Variants in OMA1 observed in about 807,000 individuals in gnomAD.
The protein encoded by OMA1 is metalloendopeptidase OMA1, mitochondrial.
A neutral mutation model predicts 30.9 loss-of-function variants in OMA1; 38 were observed. That is an observed-to-expected ratio of 1.23 (90% CI 0.95 to 1.61). The LOEUF (loss-of-function observed/expected upper bound fraction) is 1.61, where lower values mean the gene tolerates loss of function less well. Among genes scored for constraint, OMA1 ranks in the 40% most tolerant of loss-of-function variants. The pLI, the probability that OMA1 is intolerant of heterozygous loss-of-function variation, is 0.00. For missense variants in OMA1, 461 were observed against 349.2 expected (o/e 1.32, Z -2.55); for synonymous variants, 173 against 121.9 (o/e 1.42, Z -2.76).
intron 1 of OMA1, among the ~76,000 whole-genome samples, chr1:58,540,667 T>A (rs55721304): frequency 0.12 from 17,346 of 148,420 alleles, 1,191 homozygotes; most frequent in African/African-American, 0.19. Context: ...TTTGAAGACG[T>A]ATCAATAGAA....
intron 6 of OMA1, among the ~76,000 whole-genome samples, chr1:58,530,242 T>TA: frequency 6.6e-6 from 1 of 152,182 alleles, no homozygotes; most frequent in Non-Finnish European, 1.5e-5. Context: ...CCACAAGAAG[T>TA]CCTGTATACC....
At chr1:58,509,276 ACACT>A (rs1646036167) in intron 7 of OMA1, among the ~76,000 whole-genome samples, 1 of 152,148 alleles carries the variant, frequency 6.6e-6, no homozygotes, top group African/African-American at 2.4e-5. Context: ...CATCATAAAG[ACACT>A]CAAAGAGGTC....
intron 8 of OMA1, among the ~76,000 whole-genome samples, chr1:58,495,029 A>G (rs1645772519): frequency 6.6e-6 from 1 of 152,228 alleles, no homozygotes; most frequent in Non-Finnish European, 1.5e-5. Flanking sequence ...CAAACGTCCA[A>G]CAATGATAGA....
chr1:58,518,503 T>C (rs899954281), intron 7 of OMA1, among the ~76,000 whole-genome samples: 4 of 151,930 alleles, frequency 2.6e-5, no homozygotes, highest in Non-Finnish European at 5.9e-5. Context: ...ATCATGAGCC[T>C]GCTACAGAAG....
chr1:58,502,266 T>A (rs1169641684), intron 8 of OMA1, among the ~76,000 whole-genome samples: 2 of 152,202 alleles, frequency 1.3e-5, no homozygotes, highest in East Asian at 3.9e-4. Context: ...CTTTCTTGGT[T>A]TCCTATTTGC....
intron 1 of OMA1, among the ~76,000 whole-genome samples, chr1:58,541,270 G>A (rs1355062280): frequency 7.7e-5 from 8 of 103,420 alleles, no homozygotes; most frequent in Middle Eastern, 0.013. Flanking sequence ...TTCCAGCCTG[G>A]GCAACAGAGT....
chr1:58,484,783 T>C (rs1258842428), intron 8 of OMA1, among the ~76,000 whole-genome samples: 3 of 152,124 alleles, frequency 2.0e-5, no homozygotes, highest in Non-Finnish European at 4.4e-5. Flanking sequence ...ACCTTAAACG[T>C]ATATTGCTAA....
At chr1:58,482,082 G>T (rs1041042411) in intron 8 of OMA1, among the ~76,000 whole-genome samples, 1 of 152,206 alleles carries the variant, frequency 6.6e-6, no homozygotes, top group African/African-American at 2.4e-5. Flanking sequence ...GTACTATGGG[G>T]CTCAGCTATG....
At chr1:58,493,547 C>T (rs943564523) in intron 8 of OMA1, among the ~76,000 whole-genome samples, 16 of 151,370 alleles carry the variant, frequency 1.1e-4, no homozygotes, top group African/African-American at 3.6e-4. Context: ...TCTCCTTAAG[C>T]TGATAAGCAA....
rs1415249647 is a variant in OMA1 at position 58,506,198 on chromosome 1, G to A, written c.1227C>T (p.Asp409=). The change falls in exon 8 of 9, where the codon GAC becomes GAT. Residue 409 remains aspartate, a synonymous_variant. Transcript: ENST00000371226. ...GCCAAAACACTGAACTGGCTCTTATGTCTGCACAAGCCTAAAACCAAAATT... is the reference window on the plus strand; with the variant it reads ...GCCAAAACACTGAACTGGCTCTTATATCTGCACAAGCCTAAAACCAAAATT... The part of the protein sequence containing the change: ...GLLLAAKACA[D]IRASSVFWQQ... The A allele has an allele frequency of 1.2e-6, 1 of 869,468 alleles. No individual in the cohort carries two copies. Among genetic ancestry groups the A allele is most frequent in the East Asian group, 2.4e-5 (1 of 41,680 alleles). The allele number at this position is 869,468 out of a possible 1,614,324, so 53.9% of individuals were successfully genotyped here.
chr1:58,532,588 T>C (rs61781818), intron 5 of OMA1, among the ~76,000 whole-genome samples: 17,680 of 152,194 alleles, frequency 0.12, 1,223 homozygotes, highest in African/African-American at 0.18. Context: ...AGTGCAGTGG[T>C]GCGATCATGG....
At chr1:58,503,529 T>C (rs918758717) in intron 8 of OMA1, among the ~76,000 whole-genome samples, 2 of 152,156 alleles carry the variant, frequency 1.3e-5, no homozygotes, top group Non-Finnish European at 2.9e-5. Flanking sequence ...AATTTATATG[T>C]TGAAATTCCA....
intron 8 of OMA1, among the ~76,000 whole-genome samples, chr1:58,489,157 G>A (rs563090544): frequency 3.9e-5 from 6 of 152,322 alleles, no homozygotes; most frequent in East Asian, 1.9e-4. Context: ...CGTGTCACCC[G>A]GGAAGTGCAA....
chr1:58,541,630 AAAAAAAAAAAACCAAAAAC>A (rs1646620259), intron 1 of OMA1: 1 of 130,910 alleles, frequency 7.6e-6, no homozygotes, highest in Non-Finnish European at 1.7e-5. Context: ...AAAAAAAAAA[AAAAAAAAAAAACCAAAAAC>A]AAAAAACAAA....
intron 7 of OMA1, among the ~76,000 whole-genome samples, chr1:58,511,510 C>T (rs543649773): frequency 2.6e-5 from 4 of 152,104 alleles, no homozygotes; most frequent in Admixed American, 6.5e-5. Flanking sequence ...TGATGGTACA[C>T]ACCTGTGCAC....
chr1:58,505,364 T>G (rs949463299), intron 8 of OMA1, among the ~76,000 whole-genome samples: 14 of 152,186 alleles, frequency 9.2e-5, no homozygotes, highest in Non-Finnish European at 1.9e-4. Flanking sequence ...ACAAGTGAGA[T>G]AGAAGAGAGC....
chr1:58,501,821 A>G (rs540842619), intron 8 of OMA1, among the ~76,000 whole-genome samples: 2 of 152,276 alleles, frequency 1.3e-5, no homozygotes, highest in South Asian at 4.1e-4. Context: ...AAGGCCTAAA[A>G]GGAGGTAACT....
At chr1:58,518,349 A>AGAAGAGAAGG (rs1646204912) in intron 7 of OMA1, among the ~76,000 whole-genome samples, 13 of 59,726 alleles carry the variant, frequency 2.2e-4, no homozygotes, top group African/African-American at 7.8e-4. Context: ...AGAAGAGAAG[A>AGAAGAGAAGG]GAAGGGAAGG....
At chr1:58,545,825 T>C (rs977911131) in intron 1 of OMA1, among the ~76,000 whole-genome samples, 4 of 152,186 alleles carry the variant, frequency 2.6e-5, no homozygotes, top group African/African-American at 9.7e-5. Context: ...TACTTTAAAA[T>C]AATCATTCAA....
Sources: gnomAD v4.1 joint callset for allele counts (sites outside exome capture counted in the v4.1 genomes callset) on GRCh38, gnomAD v4.1.1 for gene constraint, MANE v1.5 for transcripts, NCBI Gene and HGNC (gene_info 2026-07-23, HGNC 2026-07-21) for gene names.